The following CACNA2D4 variants were observed in gnomAD, a reference collection of about 807,000 sequenced individuals.
CACNA2D4 encodes calcium voltage-gated channel auxiliary subunit alpha2delta 4.
CACNA2D4 carries 157 observed loss-of-function variants against 163.8 expected under a neutral mutation model. The observed-to-expected ratio is 0.96, with a 90% CI of 0.84 to 1.09. CACNA2D4 has a LOEUF of 1.09. CACNA2D4 is among the 50% of genes least tolerant of loss of function. CACNA2D4 has a pLI of 0.00. For synonymous variants in CACNA2D4, 598 were observed against 586.9 expected, an observed-to-expected ratio of 1.02 and a Z score of -0.27; for missense variants, 1,410 against 1,479.9, an observed-to-expected ratio of 0.95 and a Z score of 0.78.
intron 26 of CACNA2D4, among the ~76,000 whole-genome samples, chr12:1,832,175 G>C (rs76806233): frequency 0.13 from 19,080 of 152,240 alleles, 1,510 homozygotes; most frequent in Non-Finnish European, 0.17. Context: ...CATGGGAGAG[G>C]AGGGTGCGCA....
In CACNA2D4 at chr12:1,846,665, C is replaced by T; in HGVS notation, c.2271G>A (p.Met757Ile). ...GGCCAGCCCGGGTGCCCAGGAAGGC[C>T]ATGTCCACCACGTGTTCAGACTCCC... ...MSEESEHVVDMAFLGTRAGLL... is the reference protein window; with the variant it reads ...MSEESEHVVDIAFLGTRAGLL... The change falls in exon 24 of 38, where the codon ATG (methionine) becomes ATA (isoleucine). Residue 757 changes from methionine (M) to isoleucine (I), a missense_variant. Physicochemically the swap from Met to Ile is conservative, Grantham distance 10. Transcript: ENST00000382722. 6.2e-7 allele frequency: 1 copy of T among 1,601,704 alleles called. No individual in the cohort carries two copies. The highest frequency in any genetic ancestry group is 8.5e-7 in the Non-Finnish European group (1 of 1,176,272).
intron 27 of CACNA2D4, 110 bp from the exon 28 acceptor site, chr12:1,810,697 G>T: frequency 1.8e-6 from 2 of 1,122,976 alleles, no homozygotes; most frequent in Non-Finnish European, 2.6e-6. Context: ...GTGCATGTGT[G>T]CATGGGGTGT....
In CACNA2D4 at chr12:1,883,938, C is replaced by T; in HGVS notation, c.1351+305G>A. On this transcript the variant is annotated intron_variant, in intron 12 of 37. Transcript: ENST00000382722. This position sits in a 1 kb window ranked among gnomAD's most constrained non-coding sequence, Gnocchi z 4.5. ...GGTCTGGTCAGAGATAGATGAGGAC[C>T]ATTCACACACAAAACATTATTCCAG... The T allele has an allele frequency of 2.4e-6, 1 of 416,012 alleles. No individual in the cohort carries two copies. The highest frequency in any genetic ancestry group is 4.4e-6 in the Non-Finnish European group (1 of 228,848). 25.8% of individuals were successfully genotyped at this position (416,012 alleles called of 1,614,324 possible).
At chr12:1,803,435 A>G (rs1863405875) in intron 29 of CACNA2D4, among the ~76,000 whole-genome samples, 1 of 152,198 alleles carries the variant, frequency 6.6e-6, no homozygotes, top group African/African-American at 2.4e-5. Context: ...ATGCGCCCAC[A>G]CCAGGAATCT....
intron 10 of CACNA2D4, 46 bp from the exon 11 acceptor site, chr12:1,884,927 C>T (rs1432049885): frequency 1.9e-6 from 3 of 1,601,368 alleles, no homozygotes; most frequent in African/African-American, 1.3e-5. Context: ...CAAGCCCACC[C>T]CCCTCCACCT....
At chr12:1,841,838 C>T (rs1592704006) in intron 25 of CACNA2D4, among the ~76,000 whole-genome samples, 1 of 152,208 alleles carries the variant, frequency 6.6e-6, no homozygotes, top group Non-Finnish European at 1.5e-5. Context: ...CCATCACACC[C>T]GCTGTCGTCA....
chr12:1,872,543 A>G (rs1218903703), intron 18 of CACNA2D4, among the ~76,000 whole-genome samples: 2 of 152,134 alleles, frequency 1.3e-5, no homozygotes, highest in Non-Finnish European at 2.9e-5. Flanking sequence ...GAGACACACC[A>G]CTGAGCTGAG....
Position 1,828,255 on chromosome 12 carries a change from G to T in CACNA2D4, c.2551+12484C>A. 6.6e-7 allele frequency: 1 copy of T among 1,507,714 alleles called. No homozygotes were observed. Among genetic ancestry groups the T allele is most frequent in the Non-Finnish European group, 8.9e-7 (1 of 1,120,008 alleles). The allele number at this position is 1,507,714 out of a possible 1,614,324, so 93.4% of individuals were successfully genotyped here. A position where few individuals can be genotyped will look rare whatever the true frequency, so the allele number is the denominator to read the frequency against. On this transcript the variant is annotated intron_variant, in intron 26 of 37. Coordinates refer to ENST00000382722, the MANE Select transcript of CACNA2D4 (RefSeq NM_172364.5). This position sits in a 1 kb window ranked among gnomAD's most constrained non-coding sequence, Gnocchi z 4.2. ...GGCCTCGGAGGGGGGTGCGGGTTGG[G>T]TGGGGGTGCCGAGGTGACTGTAGGT...
rs749198285 is a variant in CACNA2D4 at position 1,834,294 on chromosome 12, C to T, written c.2551+6445G>A. The T allele has an allele frequency of 2.5e-6, 4 of 1,598,682 alleles. No individual in the cohort carries two copies. The highest frequency in any genetic ancestry group is 1.7e-5 in the Admixed American group (1 of 59,112). On this transcript the variant is annotated intron_variant, in intron 26 of 37. Transcript: ENST00000382722. The surrounding 1 kb of genome is among the most constrained non-coding windows in gnomAD (Gnocchi z 7.6). ...GGACGCTTGGACCAGCTTGCCTGCACCCTGCCCAAGGAGCTGAGGGGGAAG... is the reference window on the plus strand; with the variant it reads ...GGACGCTTGGACCAGCTTGCCTGCATCCTGCCCAAGGAGCTGAGGGGGAAG...
At position 1,829,617 on chromosome 12, in the gene CACNA2D4, C is replaced by T. The variant is rs1205569520; in HGVS notation, c.2551+11122G>A. ...TCTCATCCTGTTCCTTCAAGCTCCACCCTTTGGGACAGCAGACACCCAGAC... is the reference window on the plus strand; with the variant it reads ...TCTCATCCTGTTCCTTCAAGCTCCATCCTTTGGGACAGCAGACACCCAGAC... On this transcript the variant is annotated intron_variant, in intron 26 of 37. Transcript: ENST00000382722. The surrounding 1 kb of genome is among the most constrained non-coding windows in gnomAD (Gnocchi z 4.2). Among the ~76,000 whole-genome samples, 2 of 151,818 alleles carry T rather than the reference C, an allele frequency of 1.3e-5. No homozygotes were observed. Among genetic ancestry groups the T allele is most frequent in the Non-Finnish European group, 2.9e-5 (2 of 67,940 alleles).
At chr12:1,912,248 A>G (rs1428705609) in intron 3 of CACNA2D4, among the ~76,000 whole-genome samples, 3 of 152,170 alleles carry the variant, frequency 2.0e-5, no homozygotes, top group Non-Finnish European at 4.4e-5. Flanking sequence ...GAGTCCTTTC[A>G]GGGAGAGCAC....
At chr12:1,902,407 G>A (rs911603378) in intron 6 of CACNA2D4, among the ~76,000 whole-genome samples, 6 of 151,866 alleles carry the variant, frequency 4.0e-5, no homozygotes, top group African/African-American at 9.7e-5. Flanking sequence ...CTCCAAATTC[G>A]AAAGGAATAA....
intron 6 of CACNA2D4, among the ~76,000 whole-genome samples, chr12:1,897,677 G>A (rs1057210786): frequency 6.6e-5 from 10 of 152,138 alleles, no homozygotes; most frequent in Admixed American, 2.0e-4. Flanking sequence ...CAGAAAGTTC[G>A]TAAATAAAGG....
At chr12:1,810,166 G>T in intron 29 of CACNA2D4, 112 bp downstream of exon 29, 2 of 853,382 alleles carry the variant, frequency 2.3e-6, no homozygotes, top group South Asian at 3.0e-5. Flanking sequence ...AATTGGCCCC[G>T]AACAGGGTTC....
chr12:1,870,588 T>G (rs1592723146), intron 18 of CACNA2D4, among the ~76,000 whole-genome samples: 1 of 152,066 alleles, frequency 6.6e-6, no homozygotes, highest in East Asian at 1.9e-4. Context: ...TGTTGCTGCC[T>G]GCTTTTGGTC....
At chr12:1,800,462 G>T in intron 31 of CACNA2D4, 24 bp from the exon 32 acceptor site, 1 of 1,612,546 alleles carries the variant, frequency 6.2e-7, no homozygotes. Context: ...AGTGCACACC[G>T]CTCGCACCTA....
intron 24 of CACNA2D4, 40 bp downstream of exon 24, chr12:1,846,554 C>T: frequency 6.7e-7 from 1 of 1,499,812 alleles, no homozygotes; most frequent in Middle Eastern, 1.7e-4. Context: ...CCTCTCTGCC[C>T]TGCAGGGATT....
chr12:1,874,582 C>T lies in CACNA2D4; in HGVS notation c.1878+22G>A, dbSNP rs143868540. ...TGAAGATGCCTTCCTAGGCCATGCCCTGGCTGTTTCTAGCTCCTTACCCCT... is the reference window on the plus strand; with the variant it reads ...TGAAGATGCCTTCCTAGGCCATGCCTTGGCTGTTTCTAGCTCCTTACCCCT... On this transcript the variant is annotated intron_variant, in intron 18 of 37. Transcript: ENST00000382722. This position sits in a 1 kb window ranked among gnomAD's most constrained non-coding sequence, Gnocchi z 4.4. The T allele has an allele frequency of 1.3e-5, 21 of 1,567,736 alleles. No individual in the cohort carries two copies. The East Asian group carries it at 4.5e-4, about 33-fold the overall frequency.
At chr12:1,819,134 C>T (rs1863994070) in intron 26 of CACNA2D4, among the ~76,000 whole-genome samples, 1 of 152,058 alleles carries the variant, frequency 6.6e-6, no homozygotes, top group Admixed American at 6.5e-5. Flanking sequence ...GGGGAAACGT[C>T]ACCTTGCAGG....
Sources: gnomAD v4.1 joint callset for allele counts (sites outside exome capture counted in the v4.1 genomes callset) on GRCh38, gnomAD v4.1.1 for gene constraint, Gnocchi (gnomAD v3.1) non-coding constraint, MANE v1.5 for transcripts, NCBI Gene and HGNC (gene_info 2026-07-23, HGNC 2026-07-21) for gene names.